The following ZNF512 variants were observed in gnomAD, a reference collection of about 807,000 sequenced individuals.
ZNF512 encodes the protein zinc finger protein 512.
A neutral mutation model predicts 77.5 loss-of-function variants in ZNF512; 25 were observed. The ratio of observed to expected loss-of-function variants is 0.32; its 90% CI spans 0.23 to 0.45. The LOEUF is 0.45. Ranked by LOEUF, ZNF512 falls within the 20% of genes least tolerant of loss-of-function variation. The pLI is 1.00. For missense variants in ZNF512, 483 were observed against 692.6 expected (o/e 0.70, Z 3.40); for synonymous variants, 246 against 239.9 (o/e 1.03, Z -0.24).
At chr2:27,597,940 C>T (rs1230756193) in intron 2 of ZNF512, 127 bp from the exon 3 acceptor site, 1 of 613,344 alleles carries the variant, frequency 1.6e-6, no homozygotes, top group Non-Finnish European at 2.8e-6. Flanking sequence ...TTACAACTTA[C>T]ATTCTGTTTT....
At chr2:27,612,289 G>A (rs1672699911) in intron 10 of ZNF512, among the ~76,000 whole-genome samples, 1 of 152,044 alleles carries the variant, frequency 6.6e-6, no homozygotes, top group South Asian at 2.1e-4. Flanking sequence ...TGATAAGACA[G>A]GCCGTAGGCT....
chr2:27,610,355 C>T (rs1481465909), intron 10 of ZNF512, among the ~76,000 whole-genome samples: 2 of 142,502 alleles, frequency 1.4e-5, no homozygotes, highest in African/African-American at 5.1e-5. Flanking sequence ...CAGAGCAAGA[C>T]TCCGTATCAA....
chr2:27,602,820 T>C (rs1672179480), intron 8 of ZNF512, among the ~76,000 whole-genome samples: 2 of 152,284 alleles, frequency 1.3e-5, no homozygotes, highest in South Asian at 4.1e-4. Flanking sequence ...CTCACTGTGC[T>C]GGACTTTGGT....
At chr2:27,585,537 G>C (rs1275043364) in intron 2 of ZNF512, among the ~76,000 whole-genome samples, 2 of 152,192 alleles carry the variant, frequency 1.3e-5, no homozygotes, top group East Asian at 3.8e-4. Context: ...GAGAGTCAAT[G>C]GTGAGAAGTG....
rs145658308 is a variant in ZNF512 at position 27,587,368 on chromosome 2, C to T, written c.89+3652C>T. Reference sequence around the variant, plus strand: ...CCTGGCTCACCGAACCCTTTGCCTCCCAGGTTTAACTGATTCTTCTGCCTT... The same window carrying T: ...CCTGGCTCACCGAACCCTTTGCCTCTCAGGTTTAACTGATTCTTCTGCCTT... On this transcript the variant is annotated intron_variant, in intron 2 of 13. Transcript: ENST00000355467. Among the ~76,000 whole-genome samples the T allele has an allele frequency of 2.2e-4, 33 of 151,570 alleles. 1 individual carries two copies. The East Asian group carries it at 6.2e-3, about 29-fold the overall frequency.
intron 2 of ZNF512, among the ~76,000 whole-genome samples, chr2:27,589,389 A>G (rs1280326361): frequency 6.6e-6 from 1 of 152,180 alleles, no homozygotes; most frequent in East Asian, 1.9e-4. Context: ...TGATTAGCAT[A>G]AAGTTATTCA....
chr2:27,583,204 G>A, intron 1 of ZNF512, 62 bp downstream of exon 1: 1 of 1,611,090 alleles, frequency 6.2e-7, no homozygotes, highest in Admixed American at 1.7e-5. Flanking sequence ...GGAACACGCG[G>A]TCCCTCGCTT....
chr2:27,615,894 G>A (rs1403683477), intron 11 of ZNF512, among the ~76,000 whole-genome samples: 1 of 152,112 alleles, frequency 6.6e-6, no homozygotes, highest in South Asian at 2.1e-4. Context: ...CACAGCTATA[G>A]TAGATTCAGT....
chr2:27,608,739 GTC>G (rs1672476209), intron 10 of ZNF512, among the ~76,000 whole-genome samples: 2 of 152,058 alleles, frequency 1.3e-5, no homozygotes, highest in South Asian at 4.1e-4. Context: ...GGAGCAAAGG[GTC>G]TCTTATTCTC....
Position 27,615,150 on chromosome 2 carries a change from G to T in ZNF512, c.1132-18G>T. ...GGAGTTGTATTTATCTAATGTTTCT[G>T]GTTGTCTTGTCTTGTAGTTAAAATA... On this transcript the variant is annotated intron_variant, in intron 10 of 13. Coordinates refer to ENST00000355467, the MANE Select transcript of ZNF512 (RefSeq NM_032434.4). 1 of 1,475,916 alleles carries T rather than the reference G, an allele frequency of 6.8e-7. No homozygotes were observed. The highest frequency in any genetic ancestry group is 1.2e-5 in the South Asian group (1 of 83,408). 91.4% of individuals were successfully genotyped at this position (1,475,916 alleles called of 1,614,324 possible). A position where few individuals can be genotyped will look rare whatever the true frequency, so the allele number is the denominator to read the frequency against.
intron 10 of ZNF512, among the ~76,000 whole-genome samples, chr2:27,609,469 C>T (rs1403769941): frequency 6.6e-6 from 1 of 151,804 alleles, no homozygotes; most frequent in Non-Finnish European, 1.5e-5. Flanking sequence ...GTGGCTCACG[C>T]CTGTAATCCC....
In ZNF512 at chr2:27,621,337, A is replaced by G. The variant is rs562990194; in HGVS notation, c.1580A>G (p.Gln527Arg). 2 of 1,614,198 alleles carry G rather than the reference A, an allele frequency of 1.2e-6. No individual in the cohort carries two copies. Among genetic ancestry groups the G allele is most frequent in the East Asian group, 2.2e-5 (1 of 44,886 alleles). The change falls in exon 14 of 14, where the codon CAG becomes CGG. Residue 527 changes from glutamine (Q) to arginine (R), a missense_variant. Around this residue, in one of 2 missense-constraint regions of ZNF512, gnomAD observed 324 missense variants for 525.0 expected, o/e 0.62. Coordinates refer to ENST00000355467, the MANE Select transcript of ZNF512 (RefSeq NM_032434.4). Reference protein sequence around the residue: ...TELSLRVGKDQRRNNEELVVS... With the variant: ...TELSLRVGKDRRRNNEELVVS... ...CTGAGTCTTAGAGTAGGGAAGGATC[A>G]GAGGAGGAATAATGAGGAACTGGTA...
intron 13 of ZNF512, among the ~76,000 whole-genome samples, chr2:27,618,367 G>A (rs141783977): frequency 6.6e-5 from 10 of 152,160 alleles, no homozygotes; most frequent in East Asian, 3.9e-4. Flanking sequence ...CATTTTTAAC[G>A]CTGTTTAAAA....
At chr2:27,602,672 T>G (rs1056615923) in intron 8 of ZNF512, 111 bp downstream of exon 8, 6 of 822,882 alleles carry the variant, frequency 7.3e-6, no homozygotes, top group Non-Finnish European at 1.1e-5. Context: ...TTCTGTACTA[T>G]CTTGGTCTCT....
In ZNF512 at chr2:27,599,738, G is replaced by A. The variant is rs943876625; in HGVS notation, c.373+60G>A. On this transcript the variant is annotated intron_variant, in intron 4 of 13. Coordinates refer to ENST00000355467, the MANE Select transcript of ZNF512 (RefSeq NM_032434.4). Reference sequence around the variant, plus strand: ...GGTGACTGAGCTTTATTCTTTGAGGGTAAAGGAAAGAGAAGCCTTAGTTTG... The same window carrying A: ...GGTGACTGAGCTTTATTCTTTGAGGATAAAGGAAAGAGAAGCCTTAGTTTG... The A allele has an allele frequency of 3.3e-5, 49 of 1,489,450 alleles. No homozygotes were observed. In the South Asian group the frequency reaches 5.4e-4, roughly 16 times the overall value. 92.3% of individuals were successfully genotyped at this position (1,489,450 alleles called of 1,614,324 possible).
chr2:27,608,969 TGTG>T (rs1672485905), intron 10 of ZNF512, among the ~76,000 whole-genome samples: 1 of 151,280 alleles, frequency 6.6e-6, no homozygotes, highest in South Asian at 2.1e-4. Flanking sequence ...ATTAGCCTGG[TGTG>T]GTGGCAGGTG....
rs1372681398 is a variant in ZNF512 at position 27,583,138 on chromosome 2, C to T, written c.26C>T (p.Pro9Leu). 1 of 1,614,162 alleles carries T rather than the reference C, an allele frequency of 6.2e-7. No individual in the cohort carries two copies. Among genetic ancestry groups the T allele is most frequent in the Non-Finnish European group, 8.5e-7 (1 of 1,180,032 alleles). The part of the protein sequence containing the change: MSSRLGAV[P>L]ATSGPTTFKQ... ...ATGTCTTCCAGACTCGGTGCTGTAC[C>T]CGCCGTGAGTTTCTTGGTTTGACCG... Residue 9 changes from proline to leucine, a missense_variant, in exon 1 of 14, where the codon CCC becomes CTC. Physicochemically the swap from Pro to Leu is moderately conservative, Grantham distance 98. Coordinates refer to ENST00000355467, the MANE Select transcript of ZNF512 (RefSeq NM_032434.4).
Position 27,610,389 on chromosome 2 carries a change from A to G in ZNF512, c.1131+2350A>G, listed in dbSNP as rs867569305. Among the ~76,000 whole-genome samples the G allele has an allele frequency of 6.5e-4, 96 of 148,162 alleles. No individual in the cohort carries two copies. The South Asian group carries it at 0.016, about 25-fold the overall frequency. ...AAAAAAAAAAAAAATAAATAAATAAATATTTGTTAACTCATTGATAAAGTT... is the reference window on the plus strand; with the variant it reads ...AAAAAAAAAAAAAATAAATAAATAAGTATTTGTTAACTCATTGATAAAGTT... On this transcript the variant is annotated intron_variant, in intron 10 of 13. Transcript: ENST00000355467.
intron 8 of ZNF512, 92 bp from the exon 9 acceptor site, chr2:27,603,048 T>C: frequency 7.0e-7 from 1 of 1,431,020 alleles, no homozygotes; most frequent in South Asian, 1.3e-5. Flanking sequence ...TATTTGTATT[T>C]TGTGGTGGTG....
Sources: allele counts gnomAD v4.1 joint callset (sites outside exome capture counted in the v4.1 genomes callset), GRCh38; gene constraint gnomAD v4.1.1; regional missense constraint gnomAD v4.1.1; transcripts MANE v1.5; gene names NCBI Gene and HGNC (gene_info 2026-07-23, HGNC 2026-07-21).